The following SPRED1 variants were observed in gnomAD, a reference collection of about 807,000 sequenced individuals.
The protein encoded by SPRED1 is sprouty-related, EVH1 domain-containing protein 1.
SPRED1 carries 18 observed loss-of-function variants against 52.3 expected under a neutral mutation model. The ratio of observed to expected loss-of-function variants is 0.34; its 90% CI spans 0.24 to 0.51. SPRED1 has a LOEUF of 0.51. Ranked by LOEUF, SPRED1 falls within the 20% of genes least tolerant of loss-of-function variation. SPRED1 has a pLI of 0.97. For missense variants in SPRED1, 485 were observed against 551.0 expected (o/e 0.88, Z 1.20); for synonymous variants, 155 against 179.7 (o/e 0.86, Z 1.10).
intron 2 of SPRED1, among the ~76,000 whole-genome samples, chr15:38,313,439 A>G (rs1895408971): frequency 6.6e-6 from 1 of 151,932 alleles, no homozygotes; most frequent in South Asian, 2.1e-4. Context: ...CATATTATTC[A>G]TCCTTGCCCA....
intron 5 of SPRED1, among the ~76,000 whole-genome samples, chr15:38,345,815 G>A (rs1896122524): frequency 1.3e-5 from 2 of 152,144 alleles, no homozygotes; most frequent in East Asian, 3.9e-4. Context: ...CACTAAACAA[G>A]CCTGTCTCCA....
intron 2 of SPRED1, among the ~76,000 whole-genome samples, chr15:38,309,233 C>T (rs757495779): frequency 1.1e-4 from 16 of 152,122 alleles, no homozygotes; most frequent in South Asian, 2.1e-4. Context: ...CTCTGCCTCC[C>T]GGGTTCAAAC....
chr15:38,351,176 T>G lies in SPRED1; in HGVS notation c.847T>G (p.Ser283Ala). Residue 283 changes from serine to alanine, a missense_variant, in exon 7 of 7, where the codon TCT becomes GCT. By Grantham distance (99) the Ser-to-Ala change is moderately conservative (BLOSUM62 1). Transcript: ENST00000299084. The part of the protein sequence containing the change: ...RDDADSSIQF[S>A]KPDSKKSDYL... ...TGATGCTGATTCCAGTATTCAGTTT[T>G]CTAAACCAGACAGTAAAAAATCAGA... The G allele has an allele frequency of 6.2e-7, 1 of 1,614,124 alleles. No individual in the cohort carries two copies. Among genetic ancestry groups the G allele is most frequent in the Non-Finnish European group, 8.5e-7 (1 of 1,180,008 alleles).
chr15:38,302,889 C>A (rs182797752), intron 2 of SPRED1, among the ~76,000 whole-genome samples: 1 of 152,068 alleles, frequency 6.6e-6, no homozygotes, highest in Non-Finnish European at 1.5e-5. Flanking sequence ...CTTGGCCGGG[C>A]GTGGTGGCTC....
chr15:38,311,008 C>T (rs558687851), intron 2 of SPRED1, among the ~76,000 whole-genome samples: 4 of 152,202 alleles, frequency 2.6e-5, no homozygotes, highest in African/African-American at 9.6e-5. Flanking sequence ...TAGTAGAGTA[C>T]ATCCTTGCCT....
intron 5 of SPRED1, among the ~76,000 whole-genome samples, chr15:38,344,944 T>C (rs1352447925): frequency 6.6e-6 from 1 of 152,218 alleles, no homozygotes; most frequent in African/African-American, 2.4e-5. Flanking sequence ...TAGAATGGAA[T>C]GGTTTACTCT....
At chr15:38,338,700 T>TA (rs1895971893) in intron 4 of SPRED1, among the ~76,000 whole-genome samples, 1 of 152,186 alleles carries the variant, frequency 6.6e-6, no homozygotes, top group African/African-American at 2.4e-5. Context: ...CCCAGTGTCA[T>TA]AAAATAGCAT....
At chr15:38,327,773 C>T (rs1476039933) in intron 4 of SPRED1, among the ~76,000 whole-genome samples, 2 of 152,204 alleles carry the variant, frequency 1.3e-5, no homozygotes, top group African/African-American at 4.8e-5. Context: ...TTCTGACTTA[C>T]AGAAACTATG....
chr15:38,265,821 A>G (rs961903423), intron 1 of SPRED1, among the ~76,000 whole-genome samples: 7 of 152,080 alleles, frequency 4.6e-5, no homozygotes, highest in African/African-American at 9.7e-5. Flanking sequence ...GCAGAAATCT[A>G]TTTTCGTGGG....
rs760690837 is a variant in SPRED1, at chr15:38,351,006, T to C, written c.685-8T>C. On this transcript the variant is annotated splice_polypyrimidine_tract_variant and splice_region_variant and intron_variant, in intron 6 of 6. Coordinates refer to ENST00000299084, the MANE Select transcript of SPRED1 (RefSeq NM_152594.3). The stretch of plus-strand genomic sequence containing the variant: ...CCTCATTGCAGTTTTTATCTGTTTC[T>C]TTTTTAGGTCCCTTTGAAATCAATC... 175 of 1,610,968 alleles carry C rather than the reference T, an allele frequency of 1.1e-4. No homozygotes were observed. The Middle Eastern group carries it at 1.2e-3, about 11-fold the overall frequency.
At chr15:38,323,360 A>G (rs1296503761) in intron 3 of SPRED1, among the ~76,000 whole-genome samples, 2 of 152,132 alleles carry the variant, frequency 1.3e-5, no homozygotes, top group Admixed American at 6.6e-5. Flanking sequence ...ACTATGAAGT[A>G]ATAGTAGCCA....
At chr15:38,341,848 A>T (rs1161252728) in intron 5 of SPRED1, among the ~76,000 whole-genome samples, 7 of 151,960 alleles carry the variant, frequency 4.6e-5, no homozygotes, top group Non-Finnish European at 1.0e-4. Context: ...TGTTGAACTG[A>T]TCCTTTTGTC....
chr15:38,273,476 A>T (rs1235274336), intron 1 of SPRED1, among the ~76,000 whole-genome samples: 1 of 149,544 alleles, frequency 6.7e-6, no homozygotes. Context: ...TCATGAACTA[A>T]GTTTTTTTAA....
chr15:38,254,469 T>A (rs530162493), intron 1 of SPRED1, among the ~76,000 whole-genome samples: 2 of 152,236 alleles, frequency 1.3e-5, no homozygotes, highest in South Asian at 4.2e-4. Flanking sequence ...TCTGTCTCTT[T>A]TTGTGAATCG....
intron 1 of SPRED1, among the ~76,000 whole-genome samples, chr15:38,260,520 T>C (rs559500085): frequency 2.5e-4 from 38 of 152,150 alleles, no homozygotes; most frequent in African/African-American, 8.2e-4. Context: ...TTTTTTCTTA[T>C]AGCACAATTG....
At chr15:38,320,874 G>A (rs745607761) in intron 2 of SPRED1, among the ~76,000 whole-genome samples, 6 of 152,150 alleles carry the variant, frequency 3.9e-5, no homozygotes, top group Non-Finnish European at 8.8e-5. Flanking sequence ...CTGTGAATAT[G>A]ATGAAAGACA....
intron 1 of SPRED1, among the ~76,000 whole-genome samples, chr15:38,270,915 A>G (rs1312952203): frequency 2.6e-5 from 4 of 152,140 alleles, no homozygotes; most frequent in Admixed American, 6.5e-5. Context: ...TTTCTTGTTG[A>G]TACCTTTGAG....
chr15:38,270,803 AATGT>A (rs1220941376), intron 1 of SPRED1, among the ~76,000 whole-genome samples: 1 of 152,056 alleles, frequency 6.6e-6, no homozygotes, highest in Non-Finnish European at 1.5e-5. Context: ...AAATTAAAAA[AATGT>A]ATGTATGTAT....
intron 5 of SPRED1, among the ~76,000 whole-genome samples, chr15:38,345,382 A>G (rs1390304326): frequency 6.6e-6 from 1 of 152,216 alleles, no homozygotes; most frequent in Non-Finnish European, 1.5e-5. Context: ...CAAAATAACT[A>G]TGTCTTTTGA....
Sources: gnomAD v4.1 joint callset for allele counts (sites outside exome capture counted in the v4.1 genomes callset) on GRCh38, gnomAD v4.1.1 for gene constraint, MANE v1.5 for transcripts, NCBI Gene and HGNC (gene_info 2026-07-23, HGNC 2026-07-21) for gene names.